LDLRAD4: variants seen among roughly 807,000 people sequenced by gnomAD.
LDLRAD4 encodes the protein low-density lipoprotein receptor class A domain-containing protein 4.
Under a neutral mutation model 17.0 loss-of-function variants are expected in LDLRAD4, and 5 were observed. The ratio of observed to expected loss-of-function variants is 0.29; its 90% CI spans 0.15 to 0.62. LDLRAD4 has a LOEUF of 0.62. LDLRAD4 is among the 20% of genes least tolerant of loss of function. LDLRAD4 has a pLI of 0.84. For missense variants in LDLRAD4, 340 were observed against 424.7 expected (o/e 0.80, Z 1.75); for synonymous variants, 168 against 171.8 (o/e 0.98, Z 0.17).
intron 4 of LDLRAD4, among the ~76,000 whole-genome samples, chr18:13,638,176 T>C (rs940236596): frequency 2.6e-5 from 4 of 151,744 alleles, no homozygotes; most frequent in African/African-American, 9.7e-5. Context: ...GAGGCTGAGG[T>C]GGGAGGATGT....
chr18:13,426,191 G>A (rs2089919368), intron 2 of LDLRAD4: 1 of 152,328 alleles, frequency 6.6e-6, no homozygotes, highest in African/African-American at 2.4e-5. Context: ...GAGGATAATG[G>A]GTTTTAAGCC....
intron 2 of LDLRAD4, among the ~76,000 whole-genome samples, chr18:13,422,833 T>C (rs2089610959): frequency 6.6e-6 from 1 of 152,268 alleles, no homozygotes; most frequent in African/African-American, 2.4e-5. Flanking sequence ...CCAGCCTTCA[T>C]AGTGCCATGT....
At chr18:13,295,994 C>T (rs776384113) in intron 1 of LDLRAD4, among the ~76,000 whole-genome samples, 3 of 152,202 alleles carry the variant, frequency 2.0e-5, no homozygotes, top group East Asian at 1.9e-4. Flanking sequence ...GGCTGCGAGG[C>T]GGGGTGCCTT....
chr18:13,305,876 A>C (rs1464363227), intron 1 of LDLRAD4, among the ~76,000 whole-genome samples: 1 of 152,266 alleles, frequency 6.6e-6, no homozygotes, highest in Non-Finnish European at 1.5e-5. Flanking sequence ...GATGGCTATT[A>C]GAAAGCTCAC....
intron 1 of LDLRAD4, among the ~76,000 whole-genome samples, chr18:13,292,406 G>A (rs2046016361): frequency 6.6e-6 from 1 of 152,194 alleles, no homozygotes; most frequent in African/African-American, 2.4e-5. Context: ...GGCAGGTCAG[G>A]AACATTAGAG....
intron 3 of LDLRAD4, among the ~76,000 whole-genome samples, chr18:13,493,021 A>G (rs547137151): frequency 1.4e-3 from 207 of 152,270 alleles, no homozygotes; most frequent in Non-Finnish European, 2.0e-3. Context: ...TGGGAGGCTG[A>G]GGCAGGAGGA....
intron 3 of LDLRAD4, chr18:13,613,522 A>G (rs1487284281): frequency 1.3e-5 from 2 of 152,220 alleles, no homozygotes; most frequent in East Asian, 3.8e-4. Flanking sequence ...TAAAAGGTTT[A>G]TAATTGCTCT....
chr18:13,376,340 G>A (rs1425148596), intron 1 of LDLRAD4, among the ~76,000 whole-genome samples: 1 of 152,210 alleles, frequency 6.6e-6, no homozygotes, highest in African/African-American at 2.4e-5. Flanking sequence ...GGAAGTTGGC[G>A]GTCAGGCTGG....
chr18:13,624,809 C>T (rs1601785687), intron 4 of LDLRAD4, among the ~76,000 whole-genome samples: 1 of 152,196 alleles, frequency 6.6e-6, no homozygotes, highest in East Asian at 1.9e-4. Flanking sequence ...TGCCCCCTGG[C>T]AGAGCCTGGC....
At chr18:13,259,106 A>G (rs575493677) in intron 1 of LDLRAD4, among the ~76,000 whole-genome samples, 1 of 152,352 alleles carries the variant, frequency 6.6e-6, no homozygotes, top group South Asian at 2.1e-4. Flanking sequence ...CACTTGTGCA[A>G]GTTCATAAGA....
At chr18:13,571,729 C>T (rs970013956) in intron 3 of LDLRAD4, among the ~76,000 whole-genome samples, 42 of 152,086 alleles carry the variant, frequency 2.8e-4, no homozygotes, top group African/African-American at 8.2e-4. Context: ...CTCCGCCTCC[C>T]GGGTTCACGT....
intron 3 of LDLRAD4, chr18:13,471,812 T>C (rs907604020): frequency 6.6e-6 from 1 of 152,344 alleles, no homozygotes; most frequent in South Asian, 2.1e-4. Context: ...TGAGACTCCA[T>C]TTTTCTTGAA....
At chr18:13,416,109 T>C (rs7237790) in intron 2 of LDLRAD4, among the ~76,000 whole-genome samples, 144,577 of 152,262 alleles carry the variant, frequency 0.95, 69,030 homozygotes, top group Non-Finnish European at 1. Context: ...GAGTCCTCAC[T>C]CTGCTGAGTC....
chr18:13,612,348 C>T (rs1288595812), intron 3 of LDLRAD4: 1 of 1,127,434 alleles, frequency 8.9e-7, no homozygotes, highest in Non-Finnish European at 1.1e-6. Context: ...CAGCTGGTCT[C>T]AGGATCGGAG....
intron 1 of LDLRAD4, among the ~76,000 whole-genome samples, chr18:13,315,012 C>T (rs1208828735): frequency 1.3e-5 from 2 of 152,144 alleles, no homozygotes; most frequent in Non-Finnish European, 2.9e-5. Flanking sequence ...CCACACCCAG[C>T]CAGAAGGCTA....
chr18:13,259,860 C>A (rs2043716607), intron 1 of LDLRAD4, among the ~76,000 whole-genome samples: 1 of 152,210 alleles, frequency 6.6e-6, no homozygotes, highest in South Asian at 2.1e-4. Context: ...ACTGGGTGCG[C>A]AGGGCAAGAC....
intron 3 of LDLRAD4, chr18:13,620,822 C>A (rs1446999034): frequency 6.7e-6 from 3 of 444,910 alleles, no homozygotes; most frequent in African/African-American, 3.9e-5. Flanking sequence ...TTTAACTTTT[C>A]TAGAGCGGTG....
At chr18:13,359,600 A>G (rs547818748) in intron 1 of LDLRAD4, among the ~76,000 whole-genome samples, 6 of 152,190 alleles carry the variant, frequency 3.9e-5, no homozygotes, top group Non-Finnish European at 8.8e-5. Flanking sequence ...AAGGGATTTA[A>G]TTTTTTAATT....
intron 3 of LDLRAD4, among the ~76,000 whole-genome samples, chr18:13,466,114 T>G (rs1195545410): frequency 6.6e-6 from 1 of 152,194 alleles, no homozygotes; most frequent in Non-Finnish European, 1.5e-5. Flanking sequence ...AGCATAATTT[T>G]CATATAGTAA....
Sources: gnomAD v4.1 joint callset for allele counts (sites outside exome capture counted in the v4.1 genomes callset) on GRCh38, gnomAD v4.1.1 for gene constraint, MANE v1.5 for transcripts, NCBI Gene and HGNC (gene_info 2026-07-23, HGNC 2026-07-21) for gene names.